FAM193A: variants seen among roughly 807,000 people sequenced by gnomAD.
FAM193A encodes protein FAM193A.
In FAM193A, 22 loss-of-function variants were observed where a neutral mutation model predicts 126.5. The observed-to-expected ratio is 0.17, with a 90% CI of 0.12 to 0.25. The LOEUF is 0.25. Among genes scored for constraint, FAM193A ranks in the 10% least tolerant of loss-of-function variants. The pLI is 1.00. For missense variants in FAM193A, 1,675 were observed against 1,672.8 expected, an observed-to-expected ratio of 1.00 and a Z score of -0.02; for synonymous variants, 761 against 646.8, an observed-to-expected ratio of 1.18 and a Z score of -2.68.
At chr4:2,627,988 C>T (rs886176971) in intron 4 of FAM193A, among the ~76,000 whole-genome samples, 6 of 151,830 alleles carry the variant, frequency 4.0e-5, no homozygotes, top group South Asian at 2.1e-4. Flanking sequence ...GTGATCTGCC[C>T]GCCTCGGCCT....
intron 19 of FAM193A, among the ~76,000 whole-genome samples, chr4:2,707,225 C>T (rs972444262): frequency 6.6e-6 from 1 of 152,088 alleles, no homozygotes; most frequent in Non-Finnish European, 1.5e-5. Flanking sequence ...TCATTCCTTC[C>T]AAGAACAAGG....
At chr4:2,661,853 A>C (rs978032634) in intron 10 of FAM193A, among the ~76,000 whole-genome samples, 2 of 152,158 alleles carry the variant, frequency 1.3e-5, no homozygotes, top group African/African-American at 4.8e-5. Flanking sequence ...CTGCATCTTA[A>C]GTGGTCTCTG....
intron 1 of FAM193A, among the ~76,000 whole-genome samples, chr4:2,587,562 C>T (rs772845368): frequency 1.3e-5 from 2 of 151,042 alleles, no homozygotes; most frequent in Non-Finnish European, 2.9e-5. Flanking sequence ...CATGGTGGTG[C>T]ATGCCTGTAG....
At chr4:2,647,991 G>T (rs760511568) in intron 7 of FAM193A, among the ~76,000 whole-genome samples, 1 of 152,182 alleles carries the variant, frequency 6.6e-6, no homozygotes, top group African/African-American at 2.4e-5. Flanking sequence ...GCATGTGCTT[G>T]CTCCCTCCGA....
chr4:2,625,424 C>T, intron 3 of FAM193A, 29 bp downstream of exon 3: 1 of 684,820 alleles, frequency 1.5e-6, no homozygotes, highest in South Asian at 1.5e-5. Flanking sequence ...ACGTTGCTCA[C>T]ACCTGTCCAC....
intron 1 of FAM193A, among the ~76,000 whole-genome samples, chr4:2,576,362 T>C (rs1382609526): frequency 1.3e-5 from 2 of 152,036 alleles, no homozygotes; most frequent in Non-Finnish European, 2.9e-5. Flanking sequence ...CCTCCCAGAG[T>C]GTGGGGAGTA....
chr4:2,677,195 T>A (rs942030025), intron 13 of FAM193A, among the ~76,000 whole-genome samples: 3 of 152,206 alleles, frequency 2.0e-5, no homozygotes, highest in Non-Finnish European at 4.4e-5. Flanking sequence ...TACCATTTGT[T>A]AAAAAGACTG....
At chr4:2,693,312 C>T (rs1716620640) in intron 15 of FAM193A, among the ~76,000 whole-genome samples, 1 of 151,454 alleles carries the variant, frequency 6.6e-6, no homozygotes. Flanking sequence ...GCCACCACGC[C>T]CGGCCAAGAA....
chr4:2,579,180 A>G (rs1048553487), intron 1 of FAM193A, among the ~76,000 whole-genome samples: 2 of 143,672 alleles, frequency 1.4e-5, no homozygotes, highest in South Asian at 2.1e-4. Context: ...TACGTTTTAA[A>G]TTAATCCAGA....
intron 1 of FAM193A, among the ~76,000 whole-genome samples, chr4:2,574,294 G>T (rs1739458372): frequency 6.6e-6 from 1 of 152,108 alleles, no homozygotes; most frequent in Admixed American, 6.5e-5. Context: ...CACAGGTAGA[G>T]ACTGAGAGGG....
intron 2 of FAM193A, among the ~76,000 whole-genome samples, chr4:2,624,232 G>A (rs760273419): frequency 2.0e-5 from 3 of 151,842 alleles, no homozygotes; most frequent in Non-Finnish European, 4.4e-5. Context: ...GCTGGAGTGC[G>A]GTGGCGCGAT....
chr4:2,637,490 G>A (rs17164058), intron 5 of FAM193A, among the ~76,000 whole-genome samples: 4,816 of 152,304 alleles, frequency 0.032, 269 homozygotes, highest in African/African-American at 0.11. Context: ...GATCTCAAAT[G>A]TCCCGTTATT....
Position 2,726,651 on chromosome 4 carries a change from C to G in FAM193A, c.4455-5124C>G, listed in dbSNP as rs1156728566. ...TTCCTCCTTAAATTTGTGACCAAGG[C>G]CAGGTACAGTGGCTCATGCCTGTAA... On this transcript the variant is annotated intron_variant, in intron 20 of 20. Coordinates refer to ENST00000637812, the MANE Select transcript of FAM193A (RefSeq NM_001366318.2). 2.0e-5 allele frequency among the ~76,000 whole-genome samples: 3 copies of G among 151,812 alleles called. No individual in the cohort carries two copies. The South Asian group carries it at 6.2e-4, about 32-fold the overall frequency.
At position 2,628,425 on chromosome 4, in the gene FAM193A, G is replaced by T. The variant is rs573262923; in HGVS notation, c.803+1848G>T. Among the ~76,000 whole-genome samples, 13 of 152,174 alleles carry T rather than the reference G, an allele frequency of 8.5e-5. No homozygotes were observed. The South Asian group carries it at 2.7e-3, about 32-fold the overall frequency. ...CCAGCACTTCGGGAGGATTGCTTGGGCCCAAGAGTTCAAGACTAGCCTGGG... is the reference window on the plus strand; with the variant it reads ...CCAGCACTTCGGGAGGATTGCTTGGTCCCAAGAGTTCAAGACTAGCCTGGG... On this transcript the variant is annotated intron_variant, in intron 4 of 20. Transcript: ENST00000637812.
Position 2,630,931 on chromosome 4 carries a change from G to C in FAM193A, c.804-4G>C, listed in dbSNP as rs1170111519. Reference sequence around the variant, plus strand: ...AGGCCCTGGTGACCCTCTTCTCTGTGCAGGCTCTGCGAGAGGGACCCCTAC... The same window carrying C: ...AGGCCCTGGTGACCCTCTTCTCTGTCCAGGCTCTGCGAGAGGGACCCCTAC... On this transcript the variant is annotated splice_polypyrimidine_tract_variant and splice_region_variant and intron_variant, in intron 4 of 20. Coordinates refer to ENST00000637812, the MANE Select transcript of FAM193A (RefSeq NM_001366318.2). 1 of 1,542,262 alleles carries C rather than the reference G, an allele frequency of 6.5e-7. No individual in the cohort carries two copies. The highest frequency in any genetic ancestry group is 8.9e-7 in the Non-Finnish European group (1 of 1,117,778).
At chr4:2,710,851 C>CT (rs35045989) in intron 19 of FAM193A, among the ~76,000 whole-genome samples, 34,891 of 116,228 alleles carry the variant, frequency 0.3, 5,534 homozygotes, top group Middle Eastern at 0.37. Flanking sequence ...TCTGTGCTTT[C>CT]TTTTTTTTTT....
At chr4:2,722,293 A>G (rs574229012) in intron 20 of FAM193A, among the ~76,000 whole-genome samples, 1 of 152,262 alleles carries the variant, frequency 6.6e-6, no homozygotes, top group South Asian at 2.1e-4. Flanking sequence ...TCTCGGGTGC[A>G]GGTGGTGTGG....
intron 7 of FAM193A, among the ~76,000 whole-genome samples, chr4:2,655,311 T>A (rs559581386): frequency 6.6e-6 from 1 of 152,338 alleles, no homozygotes; most frequent in African/African-American, 2.4e-5. Flanking sequence ...GTTAAGAGTT[T>A]AGGTTACCTA....
At chr4:2,617,181 A>AT (rs376887537) in intron 2 of FAM193A, among the ~76,000 whole-genome samples, 3 of 126,666 alleles carry the variant, frequency 2.4e-5, no homozygotes, top group African/African-American at 7.1e-5. Flanking sequence ...AAAAAAAAAA[A>AT]TTAAAAAAAA....
Sources: allele counts gnomAD v4.1 joint callset (sites outside exome capture counted in the v4.1 genomes callset), GRCh38; gene constraint gnomAD v4.1.1; transcripts MANE v1.5; gene names NCBI Gene and HGNC (gene_info 2026-07-23, HGNC 2026-07-21).